The following ROBO2 variants were observed in gnomAD, a reference collection of about 807,000 sequenced individuals.
ROBO2 encodes roundabout guidance receptor 2, also known as roundabout homolog 2.
ROBO2 carries 53 observed loss-of-function variants against 160.8 expected under a neutral mutation model. The observed-to-expected ratio is 0.33, with a 90% CI of 0.26 to 0.41. The LOEUF (loss-of-function observed/expected upper bound fraction) is 0.41, where lower values mean the gene tolerates loss of function less well. Among genes scored for constraint, ROBO2 ranks in the 10% least tolerant of loss-of-function variants. The pLI, the probability that ROBO2 is intolerant of heterozygous loss-of-function variation, is 1.00. For synonymous variants in ROBO2, 664 were observed against 611.7 expected, an observed-to-expected ratio of 1.09 and a Z score of -1.26; for missense variants, 1,577 against 1,722.4, an observed-to-expected ratio of 0.92 and a Z score of 1.49.
At chr3:77,615,761 A>G (rs1249883052) in intron 21 of ROBO2, among the ~76,000 whole-genome samples, 1 of 152,190 alleles carries the variant, frequency 6.6e-6, no homozygotes, top group East Asian at 1.9e-4. Context: ...GGTTGCTTCC[A>G]AATTTTGGCA....
At chr3:75,988,293 T>A (rs2065470674) in intron 2 of ROBO2, among the ~76,000 whole-genome samples, 1 of 152,118 alleles carries the variant, frequency 6.6e-6, no homozygotes, top group African/African-American at 2.4e-5. Flanking sequence ...GTCGATTTCA[T>A]CTGGTTCATT....
intron 2 of ROBO2, among the ~76,000 whole-genome samples, chr3:77,147,942 A>T (rs2077244970): frequency 6.6e-6 from 1 of 152,210 alleles, no homozygotes; most frequent in African/African-American, 2.4e-5. Flanking sequence ...GAAGAACTTC[A>T]AGCTGTCACC....
chr3:76,505,202 AT>A (rs1187396960), intron 2 of ROBO2, among the ~76,000 whole-genome samples: 1 of 152,184 alleles, frequency 6.6e-6, no homozygotes, highest in Non-Finnish European at 1.5e-5. Context: ...ATTTAGATCA[AT>A]TAATAAAAGG....
At chr3:77,538,766 T>A (rs1273447632) in intron 6 of ROBO2, 5 of 361,412 alleles carry the variant, frequency 1.4e-5, no homozygotes, top group Middle Eastern at 3.9e-4. Flanking sequence ...ACGTATCAAT[T>A]AGAACCCAAA....
At chr3:76,141,257 G>T (rs1342159924) in intron 2 of ROBO2, among the ~76,000 whole-genome samples, 3 of 138,808 alleles carry the variant, frequency 2.2e-5, no homozygotes, top group African/African-American at 5.4e-5. Flanking sequence ...AACATGAAAT[G>T]ATTCATGGAA....
At chr3:76,245,945 C>G (rs1055174090) in intron 2 of ROBO2, among the ~76,000 whole-genome samples, 1 of 151,996 alleles carries the variant, frequency 6.6e-6, no homozygotes, top group Non-Finnish European at 1.5e-5. Context: ...TAGAATGACC[C>G]AAGAGCTTTT....
intron 2 of ROBO2, among the ~76,000 whole-genome samples, chr3:76,358,636 G>A (rs2075315517): frequency 6.6e-6 from 1 of 152,064 alleles, no homozygotes; most frequent in South Asian, 2.1e-4. Flanking sequence ...AAAGAGAAAG[G>A]AGAGGAATTG....
chr3:77,045,474 C>CCAGTGCTTGCAT (rs2064554615), intron 1 of ROBO2, among the ~76,000 whole-genome samples: 1 of 152,152 alleles, frequency 6.6e-6, no homozygotes, highest in Non-Finnish European at 1.5e-5. Flanking sequence ...CTGTTGATCT[C>CCAGTGCTTGCAT]CAGTGCTTGC....
chr3:77,644,209 T>G (rs1230200337), intron 24 of ROBO2, among the ~76,000 whole-genome samples: 1 of 152,168 alleles, frequency 6.6e-6, no homozygotes, highest in African/African-American at 2.4e-5. Flanking sequence ...AATAATGTAT[T>G]TCTGTCTCAA....
At chr3:75,952,114 G>A (rs1394377684) in intron 2 of ROBO2, among the ~76,000 whole-genome samples, 1 of 151,896 alleles carries the variant, frequency 6.6e-6, no homozygotes, top group Non-Finnish European at 1.5e-5. Context: ...ACTGGGTCCA[G>A]CAATAGGTTT....
intron 2 of ROBO2, among the ~76,000 whole-genome samples, chr3:76,278,957 CTCA>C (rs907465397): frequency 4.0e-5 from 6 of 151,880 alleles, no homozygotes; most frequent in African/African-American, 1.4e-4. Context: ...CTATTTGATA[CTCA>C]TAGACTATGG....
intron 2 of ROBO2, among the ~76,000 whole-genome samples, chr3:76,231,664 A>G (rs1018507268): frequency 6.6e-6 from 1 of 152,198 alleles, no homozygotes; most frequent in Admixed American, 6.5e-5. Context: ...TTATTTAATA[A>G]ACATTTGTGT....
intron 2 of ROBO2, among the ~76,000 whole-genome samples, chr3:76,367,952 A>C (rs2108453907): frequency 6.6e-6 from 1 of 151,858 alleles, no homozygotes; most frequent in South Asian, 2.1e-4. Flanking sequence ...AAAAGTATAG[A>C]CGTGCCTTAA....
chr3:76,128,240 G>A (rs1173344012), intron 2 of ROBO2, among the ~76,000 whole-genome samples: 2 of 152,040 alleles, frequency 1.3e-5, no homozygotes, highest in African/African-American at 4.8e-5. Flanking sequence ...ACACTGAAAT[G>A]AGCACCATTT....
At chr3:77,586,810 A>G (rs1042187219) in intron 16 of ROBO2, among the ~76,000 whole-genome samples, 2 of 149,490 alleles carry the variant, frequency 1.3e-5, no homozygotes, top group Non-Finnish European at 3.0e-5. Context: ...TTTTAAATAC[A>G]GCTTTGACTA....
At chr3:77,228,540 A>G (rs2086769700) in intron 2 of ROBO2, among the ~76,000 whole-genome samples, 1 of 151,800 alleles carries the variant, frequency 6.6e-6, no homozygotes, top group Non-Finnish European at 1.5e-5. Context: ...ATGAGAACAT[A>G]TGGGCAGAGG....
chr3:76,860,318 C>T (rs988594358), intron 2 of ROBO2, among the ~76,000 whole-genome samples: 3 of 152,128 alleles, frequency 2.0e-5, no homozygotes, highest in East Asian at 1.9e-4. Context: ...ATTTTCACCA[C>T]AAAAAATGTT....
At chr3:76,155,483 G>A (rs116384863) in intron 2 of ROBO2, among the ~76,000 whole-genome samples, 1 of 152,258 alleles carries the variant, frequency 6.6e-6, no homozygotes, top group Non-Finnish European at 1.5e-5. Context: ...AAATTATAAT[G>A]TTTGTGAAAG....
chr3:76,168,589 A>G (rs1219299362), intron 2 of ROBO2, among the ~76,000 whole-genome samples: 2 of 152,108 alleles, frequency 1.3e-5, no homozygotes, highest in Non-Finnish European at 2.9e-5. Context: ...CATCCCTTAC[A>G]AATCCACATA....
Sources: allele counts gnomAD v4.1 joint callset (sites outside exome capture counted in the v4.1 genomes callset), GRCh38; gene constraint gnomAD v4.1.1; transcripts MANE v1.5; gene names NCBI Gene and HGNC (gene_info 2026-07-23, HGNC 2026-07-21).